FKBP15: variants seen among roughly 807,000 people sequenced by gnomAD.
FKBP15 encodes FKBP prolyl isomerase family member 15.
FKBP15 carries 106 observed loss-of-function variants against 158.1 expected under a neutral mutation model. The observed-to-expected ratio is 0.67, with a 90% CI of 0.57 to 0.79. The LOEUF (loss-of-function observed/expected upper bound fraction) is 0.79. Among genes scored for constraint, FKBP15 ranks in the 30% least tolerant of loss-of-function variants. FKBP15 has a pLI of 0.00. For synonymous variants in FKBP15, 547 were observed against 548.6 expected (o/e 1.00, Z 0.04); for missense variants, 1,287 against 1,479.1 (o/e 0.87, Z 2.13).
intron 9 of FKBP15, 95 bp from the exon 10 acceptor site, chr9:113,194,264 T>G (rs1830628943): frequency 9.9e-7 from 1 of 1,014,876 alleles, no homozygotes; most frequent in Non-Finnish European, 1.4e-6. Flanking sequence ...TGGGGACTGT[T>G]GTCGGGTGGG....
chr9:113,220,306 G>A (rs1831224660), intron 1 of FKBP15, among the ~76,000 whole-genome samples: 1 of 152,250 alleles, frequency 6.6e-6, no homozygotes, highest in African/African-American at 2.4e-5. Flanking sequence ...GAAAAGCTCT[G>A]CAATGATCAG....
At chr9:113,215,370 A>AT (rs780960279) in intron 1 of FKBP15, among the ~76,000 whole-genome samples, 11 of 144,108 alleles carry the variant, frequency 7.6e-5, no homozygotes, top group East Asian at 4.6e-4. Context: ...TCAAGAAGAG[A>AT]TAAAAAAAAA....
chr9:113,173,720 T>A, intron 22 of FKBP15, 115 bp from the exon 23 acceptor site: 1 of 1,049,070 alleles, frequency 9.5e-7, no homozygotes, highest in Non-Finnish European at 1.4e-6. Context: ...AGCCCAGATT[T>A]AACTGGGAAA....
At chr9:113,167,681 T>A (rs975512665) in intron 27 of FKBP15, among the ~76,000 whole-genome samples, 14 of 152,256 alleles carry the variant, frequency 9.2e-5, no homozygotes, top group Non-Finnish European at 1.9e-4. Context: ...CATATTTCTG[T>A]CCTTTAGATG....
In FKBP15 at chr9:113,188,501, G is replaced by A; in HGVS notation, c.1174-10C>T. The A allele has an allele frequency of 6.2e-7, 1 of 1,611,436 alleles. No homozygotes were observed. Among genetic ancestry groups the A allele is most frequent in the Non-Finnish European group, 8.5e-7 (1 of 1,177,758 alleles). On this transcript the variant is annotated splice_polypyrimidine_tract_variant and intron_variant, in intron 12 of 27. Transcript: ENST00000238256. Reference sequence around the variant, plus strand: ...GCAGAGTGTTCACATCCTGAAACAGGAACAAGCGTTTGGGTTACTCTGTAC... The same window carrying A: ...GCAGAGTGTTCACATCCTGAAACAGAAACAAGCGTTTGGGTTACTCTGTAC...
intron 19 of FKBP15, among the ~76,000 whole-genome samples, chr9:113,181,622 G>A (rs1303982805): frequency 1.3e-5 from 2 of 152,212 alleles, no homozygotes; most frequent in Non-Finnish European, 2.9e-5. Context: ...GTAAGTCGGA[G>A]GCAGCCAGTG....
chr9:113,184,531 T>C lies in FKBP15; in HGVS notation c.1609-132A>G. ...CAATCTCTAACTGTTAAGTTAGAGT[T>C]TTCTCCTACTAACTGGATCCCAACA... On this transcript the variant is annotated intron_variant, in intron 16 of 27. Coordinates refer to ENST00000238256, the MANE Select transcript of FKBP15 (RefSeq NM_015258.2). The surrounding 1 kb of genome is among the most constrained non-coding windows in gnomAD (Gnocchi z 4.5). 1.1e-6 allele frequency: 1 copy of C among 920,588 alleles called. No individual in the cohort carries two copies. Among genetic ancestry groups the C allele is most frequent in the Admixed American group, 2.2e-5 (1 of 44,544 alleles). The allele number at this position is 920,588 out of a possible 1,614,324, so 57.0% of individuals were successfully genotyped here.
chr9:113,212,397 C>T (rs1253875315), intron 1 of FKBP15, among the ~76,000 whole-genome samples: 1 of 152,104 alleles, frequency 6.6e-6, no homozygotes, highest in South Asian at 2.1e-4. Flanking sequence ...CCATGCTGGC[C>T]AGGCTGGTCT....
chr9:113,170,755 A>G (rs1830193701), intron 24 of FKBP15, 126 bp from the exon 25 acceptor site: 2 of 719,034 alleles, frequency 2.8e-6, no homozygotes, highest in Admixed American at 2.4e-5. Flanking sequence ...ACTGCTGGTC[A>G]TAAGCAGAGA....
At chr9:113,213,767 T>C (rs1280902590) in intron 1 of FKBP15, among the ~76,000 whole-genome samples, 1 of 152,062 alleles carries the variant, frequency 6.6e-6, no homozygotes, top group Non-Finnish European at 1.5e-5. Flanking sequence ...CTTCTGACCT[T>C]GAACTTCTCA....
intron 9 of FKBP15, among the ~76,000 whole-genome samples, chr9:113,194,397 C>G (rs1830631364): frequency 6.7e-6 from 1 of 150,298 alleles, no homozygotes; most frequent in Non-Finnish European, 1.5e-5. Context: ...GCACATGTAC[C>G]CTAAAACTTA....
rs1830073035 is a variant in FKBP15 at position 113,164,826 on chromosome 9, A to T, written c.*1252T>A. 1 of 152,216 alleles carries T rather than the reference A, an allele frequency of 6.6e-6. No homozygotes were observed. The allele number at this position is 152,216 out of a possible 1,614,324, so 9.4% of individuals were successfully genotyped here. A position where few individuals can be genotyped will look rare whatever the true frequency, so the allele number is the denominator to read the frequency against. On this transcript the variant is annotated 3_prime_UTR_variant, in exon 28 of 28. Coordinates refer to ENST00000238256, the MANE Select transcript of FKBP15 (RefSeq NM_015258.2). Reference sequence around the variant, plus strand: ...AAATGGTGATAACACTGTCTTCTGCAGTGGTTGCTGGAGATAAGCCAGTCT... The same window carrying T: ...AAATGGTGATAACACTGTCTTCTGCTGTGGTTGCTGGAGATAAGCCAGTCT...
chr9:113,161,433 C>T lies in FKBP15; in HGVS notation c.*4645G>A. The T allele has an allele frequency of 2.2e-6, 3 of 1,344,640 alleles. No homozygotes were observed. Among genetic ancestry groups the T allele is most frequent in the Non-Finnish European group, 3.2e-6 (3 of 947,036 alleles). 83.3% of individuals were successfully genotyped at this position (1,344,640 alleles called of 1,614,324 possible). A position where few individuals can be genotyped will look rare whatever the true frequency, so the allele number is the denominator to read the frequency against. On this transcript the variant is annotated 3_prime_UTR_variant, in exon 28 of 28. Coordinates refer to ENST00000238256, the MANE Select transcript of FKBP15 (RefSeq NM_015258.2). ...GGATAGAGGTGGATGGAGTGGATTC[C>T]ATGAACAGGTGGAGGTGCTGGAAGG...
intron 20 of FKBP15, among the ~76,000 whole-genome samples, chr9:113,177,123 T>A (rs1319699111): frequency 6.6e-6 from 1 of 152,204 alleles, no homozygotes; most frequent in Non-Finnish European, 1.5e-5. Context: ...AAAGGACATG[T>A]TCCCAGCAGT....
intron 1 of FKBP15, among the ~76,000 whole-genome samples, chr9:113,215,622 GTGTA>G (rs1377256184): frequency 0.015 from 1,686 of 113,512 alleles, 15 homozygotes; most frequent in African/African-American, 0.017. Context: ...GTGTGTGTGT[GTGTA>G]TATATATATA....
chr9:113,211,846 T>TG (rs1402110572), intron 1 of FKBP15, among the ~76,000 whole-genome samples: 45 of 152,236 alleles, frequency 3.0e-4, no homozygotes, highest in Non-Finnish European at 2.9e-5. Flanking sequence ...TGACCCTGTT[T>TG]ATCCCCAGGA....
chr9:113,202,513 AGAGT>A lies in FKBP15; in HGVS notation c.498+14_498+17del, dbSNP rs1830812160. On this transcript the variant is annotated intron_variant, in intron 6 of 27. Transcript: ENST00000238256. Reference sequence around the variant, plus strand: ...ACAAGTATTTTGGCTTTTCACAGGGAGAGTAAGATGTTATCACCTGCTTATTGAA... The same window carrying A: ...ACAAGTATTTTGGCTTTTCACAGGGAAAGATGTTATCACCTGCTTATTGAA... 1 of 1,528,234 alleles carries A rather than the reference AGAGT, an allele frequency of 6.5e-7. No homozygotes were observed. The highest frequency in any genetic ancestry group is 8.9e-7 in the Non-Finnish European group (1 of 1,123,984). 94.7% of individuals were successfully genotyped at this position (1,528,234 alleles called of 1,614,324 possible).
intron 20 of FKBP15, among the ~76,000 whole-genome samples, chr9:113,177,663 T>C (rs1830323557): frequency 6.6e-6 from 1 of 152,184 alleles, no homozygotes; most frequent in Non-Finnish European, 1.5e-5. Context: ...GGAAGGGATG[T>C]ATCTTCAAGG....
chr9:113,188,665 T>C, intron 12 of FKBP15, 174 bp from the exon 13 acceptor site: 1 of 573,470 alleles, frequency 1.7e-6, no homozygotes, highest in Non-Finnish European at 3.1e-6. Flanking sequence ...AAAAGCACTC[T>C]GCTATGCAAT....
Sources: gnomAD v4.1 joint callset for allele counts (sites outside exome capture counted in the v4.1 genomes callset) on GRCh38, gnomAD v4.1.1 for gene constraint, Gnocchi (gnomAD v3.1) non-coding constraint, MANE v1.5 for transcripts, NCBI Gene and HGNC (gene_info 2026-07-23, HGNC 2026-07-21) for gene names.